The following D2HGDH variants were observed in gnomAD, a reference collection of about 807,000 sequenced individuals.
D2HGDH encodes D-2-hydroxyglutarate dehydrogenase, mitochondrial.
Under a neutral mutation model 46.9 loss-of-function variants are expected in D2HGDH, and 31 were observed. That is an observed-to-expected ratio of 0.66 (90% confidence interval 0.50 to 0.89). The LOEUF (loss-of-function observed/expected upper bound fraction) is 0.89, where lower values mean the gene tolerates loss of function less well. Ranked by LOEUF, D2HGDH falls within the 40% of genes least tolerant of loss-of-function variation. The probability of loss-of-function intolerance (pLI) is 0.00; values close to 1 mark genes in which losing one functional copy is unlikely to be tolerated. For synonymous variants in D2HGDH, 364 were observed against 332.6 expected (o/e 1.09, Z -1.03); for missense variants, 698 against 720.8 (o/e 0.97, Z 0.36).
At chr2:241,753,775 C>T (rs1400094980) in intron 8 of D2HGDH, among the ~76,000 whole-genome samples, 4 of 152,254 alleles carry the variant, frequency 2.6e-5, no homozygotes, top group Non-Finnish European at 5.9e-5. Flanking sequence ...AGTTAGCAAA[C>T]CTGCTAGGGA....
chr2:241,757,935 G>C (rs1244016945), intron 9 of D2HGDH, among the ~76,000 whole-genome samples: 1 of 151,648 alleles, frequency 6.6e-6, no homozygotes, highest in Non-Finnish European at 1.5e-5. Context: ...CTCCAGCCTG[G>C]GTGACAAGAG....
At chr2:241,744,272 G>A (rs1695292315) in intron 5 of D2HGDH, among the ~76,000 whole-genome samples, 3 of 152,250 alleles carry the variant, frequency 2.0e-5, no homozygotes, top group African/African-American at 7.2e-5. Flanking sequence ...ACCATGCTTT[G>A]GTGCCATCCA....
chr2:241,747,466 A>G (rs1559370560), intron 6 of D2HGDH, among the ~76,000 whole-genome samples: 1 of 151,396 alleles, frequency 6.6e-6, no homozygotes, highest in Non-Finnish European at 1.5e-5. Flanking sequence ...TCACAGGATG[A>G]AATTCTGTGA....
chr2:241,736,936 C>CA (rs1460289198), intron 2 of D2HGDH, among the ~76,000 whole-genome samples: 1 of 152,154 alleles, frequency 6.6e-6, no homozygotes. Context: ...GCTGAGATGA[C>CA]AGGCATGAGC....
intron 6 of D2HGDH, among the ~76,000 whole-genome samples, chr2:241,746,615 C>G (rs1438890728): frequency 6.6e-6 from 1 of 151,936 alleles, no homozygotes; most frequent in Non-Finnish European, 1.5e-5. Flanking sequence ...TTAGGCTGGG[C>G]ACAGTAGTTC....
chr2:241,746,238 C>T (rs969911071), intron 6 of D2HGDH, among the ~76,000 whole-genome samples: 2 of 152,170 alleles, frequency 1.3e-5, no homozygotes, highest in Admixed American at 6.5e-5. Context: ...CATCGTGTCT[C>T]TCTGTGCTGC....
At position 241,735,461 on chromosome 2, in the gene D2HGDH, C is replaced by T. The variant is rs1174150772; in HGVS notation, c.237C>T (p.Val79=). 6.2e-7 allele frequency: 1 copy of T among 1,609,610 alleles called. No homozygotes were observed. The highest frequency in any genetic ancestry group is 8.5e-7 in the Non-Finnish European group (1 of 1,179,724). Reference sequence around the variant, plus strand: ...AGCGCATCGTGCCCGGCGGGGTCGTCACGGACCCGGAAGCGCTGCAGGCTC... The same window carrying T: ...AGCGCATCGTGCCCGGCGGGGTCGTTACGGACCCGGAAGCGCTGCAGGCTC... The part of the protein sequence containing the change: ...AFERIVPGGV[V]TDPEALQAPN... Residue 79 remains valine, a synonymous_variant, in exon 2 of 10, where the codon GTC becomes GTT. Coordinates refer to ENST00000321264, the MANE Select transcript of D2HGDH (RefSeq NM_152783.5).
chr2:241,757,684 G>A (rs916893443), intron 9 of D2HGDH, among the ~76,000 whole-genome samples: 3 of 152,184 alleles, frequency 2.0e-5, no homozygotes, highest in African/African-American at 4.8e-5. Context: ...TGGGCCAGGC[G>A]CAGTGGTTCA....
In D2HGDH at chr2:241,768,162, C is replaced by A; in HGVS notation, c.*193C>A. 1.2e-6 allele frequency: 1 copy of A among 864,028 alleles called. No individual in the cohort carries two copies. Among genetic ancestry groups the A allele is most frequent in the Middle Eastern group, 3.6e-4 (1 of 2,768 alleles). 53.5% of individuals were successfully genotyped at this position (864,028 alleles called of 1,614,324 possible). A position where few individuals can be genotyped will look rare whatever the true frequency, so the allele number is the denominator to read the frequency against. On this transcript the variant is annotated 3_prime_UTR_variant, in exon 10 of 10. Coordinates refer to ENST00000321264, the MANE Select transcript of D2HGDH (RefSeq NM_152783.5). The stretch of plus-strand genomic sequence containing the variant: ...CAGGAGCATCTGGCAGAGTGGGGGG[C>A]GTGGCAGGCACCCTCCTTTGCAGGG...
intron 8 of D2HGDH, chr2:241,755,595 G>A: frequency 6.7e-7 from 1 of 1,494,734 alleles, no homozygotes; most frequent in Admixed American, 2.0e-5. Context: ...TTCACTGTCT[G>A]GGATTGATTC....
Position 241,743,255 on chromosome 2 carries a change from G to A in D2HGDH, c.491-367G>A, listed in dbSNP as rs1462265842. ...GTGTTGAGCAGCATCCTTGGCCTCCGCCTACAAGGTGCCCATGGCACCCCC... is the reference window on the plus strand; with the variant it reads ...GTGTTGAGCAGCATCCTTGGCCTCCACCTACAAGGTGCCCATGGCACCCCC... On this transcript the variant is annotated intron_variant, in intron 4 of 9. Transcript: ENST00000321264. This position sits in a 1 kb window ranked among gnomAD's most constrained non-coding sequence, Gnocchi z 4.8. 6.6e-6 allele frequency among the ~76,000 whole-genome samples: 1 copy of A among 152,180 alleles called. No homozygotes were observed. The highest frequency in any genetic ancestry group is 1.5e-5 in the Non-Finnish European group (1 of 68,014).
In D2HGDH at chr2:241,742,610, C is replaced by T. The variant is rs776022714; in HGVS notation, c.490+36C>T. 4 of 1,613,614 alleles carry T rather than the reference C, an allele frequency of 2.5e-6. No homozygotes were observed. Among genetic ancestry groups the T allele is most frequent in the Non-Finnish European group, 3.4e-6 (4 of 1,179,680 alleles). On this transcript the variant is annotated intron_variant, in intron 4 of 9. Transcript: ENST00000321264. The surrounding 1 kb of genome is among the most constrained non-coding windows in gnomAD (Gnocchi z 4.8). ...GCCACCCGTCGGGGCCCAGGAGTCC[C>T]TCCTGGTGCTGGTGGAGTTCTTCCT...
Position 241,742,491 on chromosome 2 carries a change from TG to T in D2HGDH, c.410del (p.Gly137ValfsTer17). ...CCACAGGGGGGCAACACAGGCATGG[TG>T]GGTGGCAGCGTCCCCGTCTTTGACG... ...VNPQGGNTGM[V>X]GGSVPVFDEI... is the part of the protein sequence containing the mutation. On this transcript the variant is annotated frameshift_variant, in exon 4 of 10. Transcript: ENST00000321264. LOFTEE classifies it high-confidence loss of function. The surrounding 1 kb of genome is among the most constrained non-coding windows in gnomAD (Gnocchi z 4.8). The T allele has an allele frequency of 6.2e-7, 1 of 1,613,910 alleles. No homozygotes were observed. Among genetic ancestry groups the T allele is most frequent in the Middle Eastern group, 1.6e-4 (1 of 6,062 alleles).
chr2:241,747,094 T>G (rs1696052592), intron 6 of D2HGDH, among the ~76,000 whole-genome samples: 2 of 152,008 alleles, frequency 1.3e-5, no homozygotes, highest in African/African-American at 2.4e-5. Flanking sequence ...CACACCACCA[T>G]GCCTAGGTAA....
chr2:241,742,580 C>T lies in D2HGDH; in HGVS notation c.490+6C>T. 2.5e-6 allele frequency: 4 copies of T among 1,614,070 alleles called. No individual in the cohort carries two copies. The highest frequency in any genetic ancestry group is 2.5e-6 in the Non-Finnish European group (3 of 1,180,006). The stretch of plus-strand genomic sequence containing the variant: ...CAGCTTCCACAGCGTGTCTGGTAAG[C>T]CTGTGCCACCCGTCGGGGCCCAGGA... On this transcript the variant is annotated splice_donor_region_variant and intron_variant, in intron 4 of 9. Transcript: ENST00000321264. The surrounding 1 kb of genome is among the most constrained non-coding windows in gnomAD (Gnocchi z 4.8).
At chr2:241,767,559 C>T (rs1007101583) in intron 9 of D2HGDH, 151 bp from the exon 10 acceptor site, 22 of 1,081,688 alleles carry the variant, frequency 2.0e-5, no homozygotes, top group African/African-American at 5.0e-5. Flanking sequence ...GAGGAGGGGT[C>T]GGCACGTCCA....
intron 6 of D2HGDH, chr2:241,748,845 T>C (rs1205531638): frequency 2.4e-6 from 3 of 1,271,020 alleles, no homozygotes; most frequent in Non-Finnish European, 3.1e-6. Flanking sequence ...TGTTCTGCTC[T>C]GATCCCACTC....
chr2:241,735,281 A>G lies in D2HGDH; in HGVS notation c.57A>G (p.Gly19=), dbSNP rs2124994384. 1 of 1,522,294 alleles carries G rather than the reference A, an allele frequency of 6.6e-7. No individual in the cohort carries two copies. The highest frequency in any genetic ancestry group is 8.8e-7 in the Non-Finnish European group (1 of 1,142,162). 94.3% of individuals were successfully genotyped at this position (1,522,294 alleles called of 1,614,324 possible). A position where few individuals can be genotyped will look rare whatever the true frequency, so the allele number is the denominator to read the frequency against. The change falls in exon 2 of 10, where the codon GGA becomes GGG. Residue 19 remains glycine, a synonymous_variant. Transcript: ENST00000321264. ...WPAWLLRGAP[G]AAGSWGRPVG... is the part of the protein sequence containing the mutation. ...CGTGGCTGTTGCGGGGTGCTCCGGG[A>G]GCCGCGGGTTCTTGGGGTCGGCCGG...
At chr2:241,761,364 C>T (rs967607566) in intron 9 of D2HGDH, among the ~76,000 whole-genome samples, 3 of 152,004 alleles carry the variant, frequency 2.0e-5, no homozygotes, top group African/African-American at 7.2e-5. Context: ...CATGGTGACA[C>T]CCCATCTCTA....
Sources: gnomAD v4.1 joint callset for allele counts (sites outside exome capture counted in the v4.1 genomes callset) on GRCh38, gnomAD v4.1.1 for gene constraint, Gnocchi (gnomAD v3.1) non-coding constraint, MANE v1.5 for transcripts, NCBI Gene and HGNC (gene_info 2026-07-23, HGNC 2026-07-21) for gene names.